ITGA9: variants seen among roughly 807,000 people sequenced by gnomAD.
ITGA9 encodes the protein integrin subunit alpha 9, also known as integrin alpha-9.
Under a neutral mutation model 127.8 loss-of-function variants are expected in ITGA9, and 56 were observed. The ratio of observed to expected loss-of-function variants is 0.44; its 90% CI spans 0.35 to 0.55. ITGA9 has a LOEUF of 0.55. ITGA9 is among the 20% of genes least tolerant of loss of function. The pLI is 0.00. For synonymous variants in ITGA9, 508 were observed against 514.5 expected (o/e 0.99, Z 0.17); for missense variants, 1,196 against 1,347.1 (o/e 0.89, Z 1.76).
intron 18 of ITGA9, among the ~76,000 whole-genome samples, chr3:37,686,156 ACTTTT>A (rs72311034): frequency 0.079 from 12,074 of 152,158 alleles, 624 homozygotes; most frequent in East Asian, 0.11. Context: ...TACACCAGGG[ACTTTT>A]TGCATCTCGT....
intron 15 of ITGA9, among the ~76,000 whole-genome samples, chr3:37,543,685 A>G (rs1371272076): frequency 6.6e-6 from 1 of 152,082 alleles, no homozygotes; most frequent in Non-Finnish European, 1.5e-5. Context: ...CAGATTAGAG[A>G]TGAAGTGTCC....
chr3:37,776,588 A>C (rs536002873), intron 23 of ITGA9, among the ~76,000 whole-genome samples: 1 of 152,378 alleles, frequency 6.6e-6, no homozygotes, highest in East Asian at 1.9e-4. Flanking sequence ...TATATAAAGA[A>C]GACTTCATTT....
intron 26 of ITGA9, among the ~76,000 whole-genome samples, chr3:37,791,503 C>G (rs541296337): frequency 6.6e-6 from 1 of 152,304 alleles, no homozygotes; most frequent in South Asian, 2.1e-4. Context: ...ATCTGGAAAC[C>G]TGAGGGCTAT....
intron 15 of ITGA9, among the ~76,000 whole-genome samples, chr3:37,603,836 C>G (rs1177866363): frequency 2.0e-5 from 3 of 152,182 alleles, no homozygotes; most frequent in African/African-American, 7.2e-5. Flanking sequence ...AGGTTTCTGA[C>G]CTGGAGCCCT....
Position 37,653,798 on chromosome 3 carries a change from G to A in ITGA9, c.1916+8G>A, listed in dbSNP as rs200488752. ...TAAACTGCTGCTCTCCAGGTATGTC[G>A]GTGTTTCCTTCAGAGCATTGTTCTC... is the stretch of plus-strand genomic sequence containing the variant. On this transcript the variant is annotated splice_region_variant and intron_variant, in intron 17 of 27. Coordinates refer to ENST00000264741, the MANE Select transcript of ITGA9 (RefSeq NM_002207.3). The A allele has an allele frequency of 1.2e-4, 187 of 1,607,424 alleles. No homozygotes were observed. The highest frequency in any genetic ancestry group is 1.5e-4 in the Non-Finnish European group (179 of 1,174,084).
At chr3:37,462,974 C>T (rs535249678) in intron 1 of ITGA9, among the ~76,000 whole-genome samples, 43 of 152,248 alleles carry the variant, frequency 2.8e-4, no homozygotes, top group Non-Finnish European at 5.1e-4. Flanking sequence ...GGTGTGACTT[C>T]GGATACACTC....
At chr3:37,491,988 A>T (rs917223023) in intron 4 of ITGA9, among the ~76,000 whole-genome samples, 2 of 152,182 alleles carry the variant, frequency 1.3e-5, no homozygotes, top group Non-Finnish European at 2.9e-5. Context: ...AAGGTGTGGA[A>T]TGTGAAACTG....
intron 15 of ITGA9, among the ~76,000 whole-genome samples, chr3:37,585,119 C>T (rs542754575): frequency 6.6e-5 from 10 of 152,234 alleles, no homozygotes; most frequent in South Asian, 2.1e-4. Flanking sequence ...TTGCTCCTTC[C>T]GACCTAGGGC....
At chr3:37,511,526 G>A (rs1431179720) in intron 8 of ITGA9, among the ~76,000 whole-genome samples, 2 of 152,176 alleles carry the variant, frequency 1.3e-5, no homozygotes, top group Non-Finnish European at 2.9e-5. Flanking sequence ...TTCCCCTGGG[G>A]CTCAGCCAGT....
intron 15 of ITGA9, among the ~76,000 whole-genome samples, chr3:37,607,148 A>G (rs935676003): frequency 6.6e-6 from 1 of 151,866 alleles, no homozygotes; most frequent in African/African-American, 2.4e-5. Context: ...GTACCTGGCT[A>G]ATGTGGCTTC....
In ITGA9 at chr3:37,818,876, C is replaced by A. The variant is rs1197311894; in HGVS notation, c.3010-15C>A. ...AGCACTTCTAACTCAGCTTCTCTTT[C>A]TTTCTGCCTTTCAGATGGGCTTCTT... On this transcript the variant is annotated splice_polypyrimidine_tract_variant and intron_variant, in intron 27 of 27. Coordinates refer to ENST00000264741, the MANE Select transcript of ITGA9 (RefSeq NM_002207.3). 2 of 1,599,400 alleles carry A rather than the reference C, an allele frequency of 1.3e-6. No homozygotes were observed. The highest frequency in any genetic ancestry group is 3.3e-5 in the Admixed American group (2 of 60,008).
chr3:37,482,645 T>G (rs1698568651), intron 4 of ITGA9, among the ~76,000 whole-genome samples: 1 of 152,166 alleles, frequency 6.6e-6, no homozygotes, highest in Admixed American at 6.5e-5. Flanking sequence ...TAAAAAGGAT[T>G]CATGAGAAAC....
At position 37,732,728 on chromosome 3, in the gene ITGA9, C is replaced by G. The variant is rs1366927502; in HGVS notation, c.2084C>G (p.Ser695Cys). ...TTCTTTCAGGAGGAGATGGGCATCTCCTGTGAGCTGCTGGAATCGGACTTC... is the reference window on the plus strand; with the variant it reads ...TTCTTTCAGGAGGAGATGGGCATCTGCTGTGAGCTGCTGGAATCGGACTTC... ...NMWQKEEMGI[S>C]CELLESDFLK... The change falls in exon 19 of 28, where the codon TCC (serine) becomes TGC (cysteine). Residue 695 changes from serine (S) to cysteine (C), a missense_variant. By Grantham distance (112) the Ser-to-Cys change is moderately radical. Coordinates refer to ENST00000264741, the MANE Select transcript of ITGA9 (RefSeq NM_002207.3). 1.2e-6 allele frequency: 2 copies of G among 1,609,314 alleles called. No homozygotes were observed. The highest frequency in any genetic ancestry group is 1.7e-6 in the Non-Finnish European group (2 of 1,178,582).
At chr3:37,544,092 G>A (rs765418228) in intron 15 of ITGA9, among the ~76,000 whole-genome samples, 3 of 152,172 alleles carry the variant, frequency 2.0e-5, no homozygotes, top group Non-Finnish European at 4.4e-5. Flanking sequence ...ATCTTCTCTC[G>A]GGCCTCTTCT....
intron 16 of ITGA9, among the ~76,000 whole-genome samples, chr3:37,650,678 G>A (rs181105254): frequency 2.6e-5 from 4 of 152,156 alleles, no homozygotes; most frequent in Admixed American, 1.3e-4. Flanking sequence ...GTGATCACCC[G>A]CCTCAGCCTC....
At position 37,494,573 on chromosome 3, in the gene ITGA9, GTGTCTGC is replaced by G; in HGVS notation, c.612+12_612+18del. ...ATAGCGGGCTTCTTCACCGAGGTGG[GTGTCTGC>G]TGTCTGGGCATTTCTGTTCTCTTGT... On this transcript the variant is annotated splice_donor_region_variant and intron_variant, in intron 5 of 27. Coordinates refer to ENST00000264741, the MANE Select transcript of ITGA9 (RefSeq NM_002207.3). The G allele has an allele frequency of 6.2e-7, 1 of 1,611,796 alleles. No individual in the cohort carries two copies. Among genetic ancestry groups the G allele is most frequent in the Non-Finnish European group, 8.5e-7 (1 of 1,177,962 alleles).
intron 18 of ITGA9, among the ~76,000 whole-genome samples, chr3:37,687,088 G>C (rs1372831712): frequency 6.6e-6 from 1 of 152,078 alleles, no homozygotes; most frequent in Non-Finnish European, 1.5e-5. Flanking sequence ...GAAAACAAAA[G>C]TAAATTTTAC....
At chr3:37,503,674 C>A (rs987758370) in intron 6 of ITGA9, among the ~76,000 whole-genome samples, 15 of 152,212 alleles carry the variant, frequency 9.9e-5, no homozygotes, top group Non-Finnish European at 2.2e-4. Context: ...GGAGTCCTTG[C>A]TTTCTGATCA....
intron 15 of ITGA9, among the ~76,000 whole-genome samples, chr3:37,626,281 T>C (rs1440762870): frequency 1.3e-5 from 2 of 152,210 alleles, no homozygotes; most frequent in Admixed American, 1.3e-4. Flanking sequence ...GCAAGAAAAG[T>C]AGTTTTGCTT....
Sources: allele counts gnomAD v4.1 joint callset (sites outside exome capture counted in the v4.1 genomes callset), GRCh38; gene constraint gnomAD v4.1.1; transcripts MANE v1.5; gene names NCBI Gene and HGNC (gene_info 2026-07-23, HGNC 2026-07-21).